NRCAM: variants seen among roughly 807,000 people sequenced by gnomAD.
NRCAM encodes NgCAM-related cell adhesion molecule.
A neutral mutation model predicts 156.5 loss-of-function variants in NRCAM; 83 were observed. The ratio of observed to expected loss-of-function variants is 0.53; its 90% CI spans 0.44 to 0.64. The LOEUF (loss-of-function observed/expected upper bound fraction) is 0.64, where lower values mean the gene tolerates loss of function less well. Among genes scored for constraint, NRCAM ranks in the 30% least tolerant of loss-of-function variants. NRCAM has a pLI of 0.00. For missense variants in NRCAM, 1,417 were observed against 1,597.3 expected (o/e 0.89, Z 1.92); for synonymous variants, 538 against 563.9 (o/e 0.95, Z 0.65).
In NRCAM at chr7:108,178,866, C is replaced by G. The variant is rs141017701; in HGVS notation, c.2852-754G>C. ...TGGAACCACTCTCCCTATTGTCACT[C>G]TAGCCAAAAACCAGAGTCAACCTGA... On this transcript the variant is annotated intron_variant, in intron 25 of 32. Transcript: ENST00000379028. 7.3e-3 allele frequency among the ~76,000 whole-genome samples: 1,111 copies of G among 152,316 alleles called. 7 individuals are homozygous for G. Among genetic ancestry groups the G allele is most frequent in the Non-Finnish European group, 0.011 (772 of 68,032 alleles).
At chr7:108,346,551 T>C (rs1375024193) in intron 2 of NRCAM, among the ~76,000 whole-genome samples, 2 of 152,184 alleles carry the variant, frequency 1.3e-5, no homozygotes, top group African/African-American at 2.4e-5. Flanking sequence ...CAGGTTTATT[T>C]TGAGACTTAA....
rs543438854 is a variant in NRCAM, at chr7:108,307,269, GAACACATTAATC to G, written c.-107+5384_-107+5395del. 2.4e-3 allele frequency among the ~76,000 whole-genome samples: 358 copies of G among 152,292 alleles called. 1 individual carries two copies. The highest frequency in any genetic ancestry group is 0.01 in the Middle Eastern group (3 of 294). ...GTGGCGGCTTAAGGAGGCATCCCAG[GAACACATTAATC>G]AACACATTCAAGGAATGCATTAATC... On this transcript the variant is annotated intron_variant, in intron 3 of 32. Coordinates refer to ENST00000379028, the MANE Select transcript of NRCAM (RefSeq NM_001037132.4).
intron 20 of NRCAM, among the ~76,000 whole-genome samples, chr7:108,188,691 C>T (rs976396790): frequency 6.1e-5 from 9 of 146,536 alleles, no homozygotes; most frequent in Admixed American, 7.3e-5. Context: ...CTAATGTACC[C>T]AATGAGCTAG....
At chr7:108,216,770 T>C (rs2089252202) in intron 11 of NRCAM, among the ~76,000 whole-genome samples, 1 of 152,180 alleles carries the variant, frequency 6.6e-6, no homozygotes, top group Non-Finnish European at 1.5e-5. Flanking sequence ...CATCCGGTCA[T>C]TTATGTTCTT....
At chr7:108,456,648 G>T (rs1857688779), upstream of NRCAM, 1 of 152,202 alleles carries the variant, frequency 6.6e-6, no homozygotes, top group Non-Finnish European at 1.5e-5. Flanking sequence ...CCGGCGCCTC[G>T]AGGGACTGGG....
intron 2 of NRCAM, among the ~76,000 whole-genome samples, chr7:108,387,692 C>T (rs1187780487): frequency 6.6e-6 from 1 of 151,652 alleles, no homozygotes; most frequent in East Asian, 1.9e-4. Context: ...TTAGGTATAT[C>T]TCCTAATGCT....
chr7:108,308,367 GGAAAA>G (rs1377594700), intron 3 of NRCAM, among the ~76,000 whole-genome samples: 2 of 152,182 alleles, frequency 1.3e-5, no homozygotes, highest in South Asian at 2.1e-4. Flanking sequence ...AGTACAGCAA[GGAAAA>G]GAAATCAAAT....
At chr7:108,349,713 TCCC>T (rs1397184434) in intron 2 of NRCAM, among the ~76,000 whole-genome samples, 1 of 152,160 alleles carries the variant, frequency 6.6e-6, no homozygotes, top group African/African-American at 2.4e-5. Flanking sequence ...TAGGAAGCAC[TCCC>T]CCTCACAATA....
chr7:108,303,746 C>T (rs1460397229), intron 3 of NRCAM, among the ~76,000 whole-genome samples: 1 of 152,084 alleles, frequency 6.6e-6, no homozygotes, highest in Middle Eastern at 3.2e-3. Flanking sequence ...ATGTCCTTCT[C>T]CATGTCTGCC....
At chr7:108,447,055 A>C (rs1201517104) in intron 1 of NRCAM, among the ~76,000 whole-genome samples, 1 of 151,942 alleles carries the variant, frequency 6.6e-6, no homozygotes, top group Non-Finnish European at 1.5e-5. Context: ...ACTAATTTTT[A>C]TTCAGCCTTA....
chr7:108,384,523 G>A (rs368986336), intron 2 of NRCAM, among the ~76,000 whole-genome samples: 2 of 152,130 alleles, frequency 1.3e-5, no homozygotes, highest in East Asian at 3.9e-4. Flanking sequence ...CCTCTTCAAA[G>A]GAAAGGAGAT....
intron 28 of NRCAM, among the ~76,000 whole-genome samples, chr7:108,174,931 A>G: frequency 6.6e-6 from 1 of 152,206 alleles, no homozygotes; most frequent in East Asian, 1.9e-4. Flanking sequence ...TAGAACAGGA[A>G]GCTTGGTTGA....
In NRCAM at chr7:108,181,822, C is replaced by A; in HGVS notation, c.2646G>T (p.Arg882=). The part of the protein sequence containing the change: ...KSIRGHLQGY[R]IYYWKTQSSS... ...CCACAAAAGGTCCCCTTTCACTTGC[C>A]CGATAGCCTTGTAGGTGTCCTCGGA... The change falls in exon 24 of 33, where the codon CGG becomes CGT. Residue 882 remains arginine (R), a splice_region_variant and synonymous_variant. Transcript: ENST00000379028. 1 of 1,611,826 alleles carries A rather than the reference C, an allele frequency of 6.2e-7. No homozygotes were observed.
intron 2 of NRCAM, among the ~76,000 whole-genome samples, chr7:108,351,147 T>C (rs1280394358): frequency 6.6e-6 from 1 of 152,126 alleles, no homozygotes; most frequent in Non-Finnish European, 1.5e-5. Context: ...AGATTAGTGA[T>C]ATTATCTTGG....
At chr7:108,440,787 T>A (rs1378916729) in intron 1 of NRCAM, among the ~76,000 whole-genome samples, 5 of 152,210 alleles carry the variant, frequency 3.3e-5, no homozygotes, top group African/African-American at 1.2e-4. Context: ...GTTCTGGAGT[T>A]CTTTATGGTG....
intron 3 of NRCAM, among the ~76,000 whole-genome samples, chr7:108,291,568 T>C (rs957198686): frequency 3.7e-4 from 57 of 152,334 alleles, no homozygotes; most frequent in African/African-American, 1.3e-3. Context: ...GGTTTTTAAG[T>C]ATATTTGTTA....
chr7:108,305,641 A>T (rs2098704520), intron 3 of NRCAM, among the ~76,000 whole-genome samples: 1 of 152,194 alleles, frequency 6.6e-6, no homozygotes, highest in Admixed American at 6.6e-5. Context: ...AGCTTCTGTC[A>T]GCAGCTTTAT....
At chr7:108,216,298 C>G (rs1412776014) in intron 11 of NRCAM, among the ~76,000 whole-genome samples, 2 of 152,198 alleles carry the variant, frequency 1.3e-5, no homozygotes, top group South Asian at 2.1e-4. Context: ...GTCTGATGGG[C>G]TTTCCTTTGT....
intron 11 of NRCAM, among the ~76,000 whole-genome samples, chr7:108,223,263 G>A (rs780505082): frequency 1.3e-5 from 2 of 152,122 alleles, no homozygotes; most frequent in Non-Finnish European, 2.9e-5. Flanking sequence ...GAAATTAGCC[G>A]AACCTTGCTG....
Sources: allele counts gnomAD v4.1 joint callset (sites outside exome capture counted in the v4.1 genomes callset), GRCh38; gene constraint gnomAD v4.1.1; transcripts MANE v1.5; gene names NCBI Gene and HGNC (gene_info 2026-07-23, HGNC 2026-07-21).